The following METTL15 variants were observed in gnomAD, a reference collection of about 807,000 sequenced individuals.
METTL15 encodes the protein 12S rRNA N(4)-cytidine methyltransferase METTL15.
Under a neutral mutation model 38.3 loss-of-function variants are expected in METTL15, and 34 were observed. The ratio of observed to expected loss-of-function variants is 0.89; its 90% CI spans 0.68 to 1.18. The LOEUF is 1.18. METTL15 is among the 50% of genes most tolerant of loss of function. The pLI, the probability that METTL15 is intolerant of heterozygous loss-of-function variation, is 0.00. For missense variants in METTL15, 438 were observed against 498.4 expected, an observed-to-expected ratio of 0.88 and a Z score of 1.15; for synonymous variants, 162 against 170.9, an observed-to-expected ratio of 0.95 and a Z score of 0.41.
intron 3 of METTL15, among the ~76,000 whole-genome samples, chr11:28,200,491 A>G (rs1484069070): frequency 2.6e-5 from 4 of 152,182 alleles, no homozygotes; most frequent in Non-Finnish European, 5.9e-5. Context: ...TTCATTCCTG[A>G]TGCCCATTCA....
chr11:28,248,377 C>T (rs1018798708), intron 4 of METTL15, among the ~76,000 whole-genome samples: 1 of 152,022 alleles, frequency 6.6e-6, no homozygotes, highest in African/African-American at 2.4e-5. Flanking sequence ...ATTGGTTTCC[C>T]ATCTGTCTAC....
chr11:28,210,649 A>T (rs896712671), intron 3 of METTL15, among the ~76,000 whole-genome samples: 1 of 151,926 alleles, frequency 6.6e-6, no homozygotes, highest in Non-Finnish European at 1.5e-5. Context: ...ATTTTCATAG[A>T]AAGCTTTAAG....
intron 4 of METTL15, among the ~76,000 whole-genome samples, chr11:28,360,110 C>G (rs1317581211): frequency 6.6e-6 from 1 of 152,190 alleles, no homozygotes; most frequent in Non-Finnish European, 1.5e-5. Flanking sequence ...AACTAAACCA[C>G]ATGATCAGGC....
At chr11:28,398,752 T>C (rs950687623) in intron 5 of METTL15, 3 of 152,128 alleles carry the variant, frequency 2.0e-5, no homozygotes, top group Admixed American at 1.3e-4. Flanking sequence ...TGCCCATGCC[T>C]GTGTCCTGAA....
chr11:28,237,046 A>T (rs1035406907), intron 4 of METTL15, among the ~76,000 whole-genome samples: 6 of 151,556 alleles, frequency 4.0e-5, no homozygotes, highest in African/African-American at 1.5e-4. Context: ...TTTTTCCTTC[A>T]TTTCAACTTT....
At chr11:28,232,930 A>G (rs962271420) in intron 4 of METTL15, among the ~76,000 whole-genome samples, 3 of 152,058 alleles carry the variant, frequency 2.0e-5, no homozygotes, top group Non-Finnish European at 2.9e-5. Context: ...TCTTATTAAT[A>G]TAGCAGCATA....
At chr11:28,456,164 C>A (rs1851166811) in intron 6 of METTL15, among the ~76,000 whole-genome samples, 1 of 151,904 alleles carries the variant, frequency 6.6e-6, no homozygotes, top group Non-Finnish European at 1.5e-5. Flanking sequence ...TGCCACCATG[C>A]CTGGCTAATT....
At chr11:28,211,601 A>G (rs969483257) in intron 4 of METTL15, among the ~76,000 whole-genome samples, 3 of 152,108 alleles carry the variant, frequency 2.0e-5, no homozygotes, top group African/African-American at 7.2e-5. Context: ...ATATACATCA[A>G]CATAATATAC....
At chr11:28,483,301 G>A (rs1355338041) in intron 6 of METTL15, among the ~76,000 whole-genome samples, 1 of 152,178 alleles carries the variant, frequency 6.6e-6, no homozygotes, top group African/African-American at 2.4e-5. Context: ...TCATGGGCCT[G>A]ATGTCGGATA....
At position 28,429,973 on chromosome 11, in the gene METTL15, C is replaced by G. The variant is rs1850901667; in HGVS notation, c.*424+5609C>G. Among the ~76,000 whole-genome samples the G allele has an allele frequency of 3.1e-5, 4 of 129,932 alleles. No individual in the cohort carries two copies. The South Asian group carries it at 1.2e-3, about 39-fold the overall frequency. The allele number at this position is 129,932 out of a possible 152,430, so 85.2% of individuals were successfully genotyped here. A position where few individuals can be genotyped will look rare whatever the true frequency, so the allele number is the denominator to read the frequency against. The stretch of plus-strand genomic sequence containing the variant: ...TGAGGAGCGTCTCTGCCCGGCCGCC[C>G]ATCGTCTGAGATGTGGGGAGCGCCT... On this transcript the variant is annotated intron_variant and NMD_transcript_variant, in intron 6 of 7. Transcript: ENST00000532947.
intron 4 of METTL15, among the ~76,000 whole-genome samples, chr11:28,212,891 C>T (rs1033380632): frequency 6.6e-6 from 1 of 152,144 alleles, no homozygotes; most frequent in Non-Finnish European, 1.5e-5. Flanking sequence ...TTCAGTGGCT[C>T]TTATTCCTTT....
intron 4 of METTL15, among the ~76,000 whole-genome samples, chr11:28,221,764 T>G (rs1853235564): frequency 6.6e-6 from 1 of 152,212 alleles, no homozygotes; most frequent in South Asian, 2.1e-4. Context: ...TTAGTTTTCC[T>G]TCTAACAGTC....
chr11:28,115,809 G>C (rs146951343), intron 3 of METTL15, among the ~76,000 whole-genome samples: 1 of 151,786 alleles, frequency 6.6e-6, no homozygotes, highest in South Asian at 2.1e-4. Flanking sequence ...GTGGACTTTC[G>C]CAGTTCAAAC....
At chr11:28,180,028 T>C (rs1370010541) in intron 3 of METTL15, among the ~76,000 whole-genome samples, 1 of 151,828 alleles carries the variant, frequency 6.6e-6, no homozygotes, top group Non-Finnish European at 1.5e-5. Flanking sequence ...TCAAATGGTC[T>C]AAAGTTGGGA....
intron 6 of METTL15, among the ~76,000 whole-genome samples, chr11:28,433,047 G>T (rs1020509513): frequency 6.6e-6 from 1 of 150,580 alleles, no homozygotes; most frequent in East Asian, 1.9e-4. Context: ...TTTTTCAAAT[G>T]TCATCTTGTT....
chr11:28,304,673 G>A (rs907723255), intron 6 of METTL15, among the ~76,000 whole-genome samples: 9 of 152,158 alleles, frequency 5.9e-5, no homozygotes, highest in Admixed American at 5.2e-4. Context: ...CTGAGATTGT[G>A]CCACTGCACT....
chr11:28,224,319 G>T (rs1187778701), intron 4 of METTL15, among the ~76,000 whole-genome samples: 1 of 151,738 alleles, frequency 6.6e-6, no homozygotes, highest in African/African-American at 2.4e-5. Context: ...ATGCATAACT[G>T]CATTTTAAAG....
At chr11:28,352,835 T>C (rs1235929533) in intron 4 of METTL15, among the ~76,000 whole-genome samples, 1 of 152,210 alleles carries the variant, frequency 6.6e-6, no homozygotes, top group Non-Finnish European at 1.5e-5. Context: ...GTTCAATGTT[T>C]ACAGTAAAAT....
At chr11:28,290,097 T>A (rs1856450768) in intron 4 of METTL15, 109 bp from the exon 5 acceptor site, 2 of 889,808 alleles carry the variant, frequency 2.2e-6, no homozygotes, top group Non-Finnish European at 3.3e-6. Flanking sequence ...TAAATATATA[T>A]CGGTTAAATC....
Sources: gnomAD v4.1 joint callset for allele counts (sites outside exome capture counted in the v4.1 genomes callset) on GRCh38, gnomAD v4.1.1 for gene constraint, MANE v1.5 for transcripts, NCBI Gene and HGNC (gene_info 2026-07-23, HGNC 2026-07-21) for gene names.